AIG1: variants seen among roughly 807,000 people sequenced by gnomAD.
AIG1 encodes androgen-induced gene 1 protein.
AIG1 carries 23 observed loss-of-function variants against 31.4 expected under a neutral mutation model. That is an observed-to-expected ratio of 0.73 (90% CI 0.53 to 1.04). The LOEUF is 1.04. Ranked by LOEUF, AIG1 falls within the 50% of genes least tolerant of loss-of-function variation. The pLI is 0.00. For synonymous variants in AIG1, 100 were observed against 110.5 expected (o/e 0.90, Z 0.60); for missense variants, 274 against 295.0 (o/e 0.93, Z 0.52).
rs1776620101 is a variant in AIG1 at position 143,326,435 on chromosome 6, T to C, written c.516-6847T>C. Among the ~76,000 whole-genome samples, 1 of 152,212 alleles carries C rather than the reference T, an allele frequency of 6.6e-6. No individual in the cohort carries two copies. Among genetic ancestry groups the C allele is most frequent in the Non-Finnish European group, 1.5e-5 (1 of 68,034 alleles). ...TTCTATCACAGTTTAAATGCTACTT[T>C]ATTCATTCATTCATTCTTCTAGTGT... is the stretch of plus-strand genomic sequence containing the variant. On this transcript the variant is annotated intron_variant, in intron 4 of 5. Transcript: ENST00000357847. The surrounding 1 kb of genome is among the most constrained non-coding windows in gnomAD (Gnocchi z 4.5).
At chr6:143,119,734 G>A (rs1782082008) in intron 1 of AIG1, among the ~76,000 whole-genome samples, 1 of 152,144 alleles carries the variant, frequency 6.6e-6, no homozygotes, top group Non-Finnish European at 1.5e-5. Context: ...CCCCTATTTA[G>A]TGCACTGATT....
chr6:143,251,876 A>G (rs1418254437), intron 3 of AIG1, among the ~76,000 whole-genome samples: 3 of 152,188 alleles, frequency 2.0e-5, no homozygotes, highest in African/African-American at 2.4e-5. Context: ...ATTGTTTCCC[A>G]GATAAATTCC....
intron 2 of AIG1, among the ~76,000 whole-genome samples, chr6:143,153,457 C>T (rs1366683409): frequency 6.6e-6 from 1 of 152,190 alleles, no homozygotes; most frequent in East Asian, 1.9e-4. Flanking sequence ...AAGTGATTCT[C>T]CTGCCTCAGC....
chr6:143,263,948 G>A (rs1479543089), intron 3 of AIG1, among the ~76,000 whole-genome samples: 1 of 152,108 alleles, frequency 6.6e-6, no homozygotes, highest in Non-Finnish European at 1.5e-5. Context: ...TATTTCTTTA[G>A]CATAGATTCC....
chr6:143,091,654 G>A (rs1043093155), intron 1 of AIG1, among the ~76,000 whole-genome samples: 1 of 152,232 alleles, frequency 6.6e-6, no homozygotes, highest in East Asian at 1.9e-4. Context: ...ATGAAAGACA[G>A]TAGGTTGGCA....
rs9403462 is a variant in AIG1, at chr6:143,196,435, G to A, written c.399+31252G>A. ...GTTGGAAAACTGGCTGCACGACTTA[G>A]AGTATATGTCTTTCTTTAAAATTTT... is the stretch of plus-strand genomic sequence containing the variant. On this transcript the variant is annotated intron_variant, in intron 3 of 5. Transcript: ENST00000357847. Among the ~76,000 whole-genome samples the A allele has an allele frequency of 3.1e-3, 468 of 151,736 alleles. 8 individuals are homozygous for A. The East Asian group carries it at 0.064, about 21-fold the overall frequency.
At chr6:143,242,980 G>A (rs1167045808) in intron 3 of AIG1, among the ~76,000 whole-genome samples, 2 of 152,070 alleles carry the variant, frequency 1.3e-5, no homozygotes, top group Non-Finnish European at 2.9e-5. Context: ...CTATCTGATG[G>A]CCTATATGAA....
chr6:143,214,080 T>G (rs1308392739), intron 3 of AIG1, among the ~76,000 whole-genome samples: 1 of 152,176 alleles, frequency 6.6e-6, no homozygotes, highest in African/African-American at 2.4e-5. Context: ...TTAAGAGACT[T>G]TGCCAAAGCC....
intron 4 of AIG1, among the ~76,000 whole-genome samples, chr6:143,300,044 A>G (rs901298420): frequency 2.6e-5 from 4 of 152,230 alleles, no homozygotes; most frequent in African/African-American, 9.6e-5. Flanking sequence ...TCACCAGATG[A>G]GCCCCATGTC....
At chr6:143,134,130 C>T (rs1168821457) in intron 1 of AIG1, among the ~76,000 whole-genome samples, 2 of 151,948 alleles carry the variant, frequency 1.3e-5, no homozygotes, top group African/African-American at 4.8e-5. Flanking sequence ...ATATTTTACA[C>T]CAGTGAAATA....
chr6:143,188,385 T>C (rs561696790), intron 3 of AIG1: 1 of 985,502 alleles, frequency 1.0e-6, no homozygotes, highest in South Asian at 4.7e-5. Context: ...GCACTTCTCA[T>C]GCTGGTGAAG....
At chr6:143,206,437 T>C (rs1791113656) in intron 3 of AIG1, among the ~76,000 whole-genome samples, 1 of 152,220 alleles carries the variant, frequency 6.6e-6, no homozygotes, top group East Asian at 1.9e-4. Flanking sequence ...CTCACCTTTG[T>C]AAATATAGGT....
At chr6:143,137,045 G>A in intron 2 of AIG1, 55 bp downstream of exon 2, 1 of 1,316,252 alleles carries the variant, frequency 7.6e-7, no homozygotes, top group African/African-American at 1.5e-5. Context: ...TCTTATTTCA[G>A]ACTTCTAAGA....
chr6:143,252,966 C>A (rs753230045), intron 3 of AIG1, among the ~76,000 whole-genome samples: 1 of 152,154 alleles, frequency 6.6e-6, no homozygotes, highest in Non-Finnish European at 1.5e-5. Context: ...CAGAGGATGC[C>A]CCTTCAGTTC....
At chr6:143,305,996 T>C (rs1216976566) in intron 4 of AIG1, among the ~76,000 whole-genome samples, 2 of 151,252 alleles carry the variant, frequency 1.3e-5, no homozygotes, top group East Asian at 3.9e-4. Context: ...TCTTTGTCTC[T>C]TTTGATCTTT....
intron 1 of AIG1, among the ~76,000 whole-genome samples, chr6:143,124,558 G>A (rs780364025): frequency 1.9e-4 from 29 of 152,168 alleles, no homozygotes; most frequent in Non-Finnish European, 4.0e-4. Flanking sequence ...GGCTCTTCCA[G>A]CAGGCTGCAA....
intron 2 of AIG1, 92 bp downstream of exon 2, chr6:143,137,082 GT>G (rs1489187547): frequency 7.9e-7 from 1 of 1,271,554 alleles, no homozygotes; most frequent in East Asian, 2.8e-5. Flanking sequence ...ATTATAAGAG[GT>G]TTCTGTATTA....
chr6:143,069,520 T>G (rs1777057611), intron 1 of AIG1, among the ~76,000 whole-genome samples: 1 of 152,182 alleles, frequency 6.6e-6, no homozygotes, highest in Non-Finnish European at 1.5e-5. Flanking sequence ...ATTTCAGCCA[T>G]TCTAATAGGT....
intron 3 of AIG1, among the ~76,000 whole-genome samples, chr6:143,233,879 T>C (rs1041041359): frequency 2.0e-5 from 3 of 152,250 alleles, no homozygotes; most frequent in African/African-American, 7.2e-5. Flanking sequence ...GAATGGGGAA[T>C]TGCCTTCACT....
Sources: allele counts gnomAD v4.1 joint callset (sites outside exome capture counted in the v4.1 genomes callset), GRCh38; gene constraint gnomAD v4.1.1; non-coding constraint Gnocchi (gnomAD v3.1); transcripts MANE v1.5; gene names NCBI Gene and HGNC (gene_info 2026-07-23, HGNC 2026-07-21).